FRMD4A: variants seen among roughly 807,000 people sequenced by gnomAD.
FRMD4A encodes the protein FERM domain-containing protein 4A.
Under a neutral mutation model 129.1 loss-of-function variants are expected in FRMD4A, and 29 were observed. The ratio of observed to expected loss-of-function variants is 0.22; its 90% CI spans 0.17 to 0.31. The LOEUF is 0.31. Among genes scored for constraint, FRMD4A ranks in the 10% least tolerant of loss-of-function variants. The probability of loss-of-function intolerance (pLI) is 1.00; values close to 1 mark genes in which losing one functional copy is unlikely to be tolerated. For missense variants in FRMD4A, 1,272 were observed against 1,375.8 expected, an observed-to-expected ratio of 0.92 and a Z score of 1.19; for synonymous variants, 634 against 571.6, an observed-to-expected ratio of 1.11 and a Z score of -1.56.
chr10:14,061,048 G>T (rs533295681), intron 2 of FRMD4A, among the ~76,000 whole-genome samples: 1 of 152,138 alleles, frequency 6.6e-6, no homozygotes, highest in African/African-American at 2.4e-5. Context: ...AAGGGCAGAG[G>T]ATATAATCAA....
chr10:13,767,054 A>G (rs936671630), intron 6 of FRMD4A, among the ~76,000 whole-genome samples: 5 of 152,158 alleles, frequency 3.3e-5, no homozygotes, highest in African/African-American at 1.2e-4. Flanking sequence ...GCCTGGTGAC[A>G]GAGTGAGACT....
chr10:13,925,564 C>G (rs2103321), intron 2 of FRMD4A, among the ~76,000 whole-genome samples: 34,845 of 89,164 alleles, frequency 0.39, 5,278 homozygotes, highest in East Asian at 0.49. Flanking sequence ...TGTAGTGAAA[C>G]GCTTTTTTTT....
At chr10:13,717,610 G>A (rs1056127336) in intron 12 of FRMD4A, among the ~76,000 whole-genome samples, 21 of 89,042 alleles carry the variant, frequency 2.4e-4, no homozygotes, top group African/African-American at 9.0e-4. Flanking sequence ...CAACGCACCC[G>A]GCTAAATTTT....
At chr10:13,943,530 C>T (rs546253471) in intron 2 of FRMD4A, among the ~76,000 whole-genome samples, 1 of 151,034 alleles carries the variant, frequency 6.6e-6, no homozygotes, top group Non-Finnish European at 1.5e-5. Flanking sequence ...TGCCTGTAGT[C>T]CCAGCTACTT....
Position 13,976,272 on chromosome 10 carries a change from G to T in FRMD4A, c.46-117360C>A, listed in dbSNP as rs548978981. On this transcript the variant is annotated intron_variant, in intron 2 of 24. Coordinates refer to ENST00000357447, the MANE Select transcript of FRMD4A (RefSeq NM_018027.5). Reference sequence around the variant, plus strand: ...CTTGGTCCTGGGATTGCACATTGGGGAAGGGAACTTGGGCTGGGAGCCCTA... The same window carrying T: ...CTTGGTCCTGGGATTGCACATTGGGTAAGGGAACTTGGGCTGGGAGCCCTA... Among the ~76,000 whole-genome samples the T allele has an allele frequency of 2.0e-5, 3 of 152,302 alleles. No homozygotes were observed. In the South Asian group the frequency reaches 6.2e-4, roughly 32 times the overall value.
intron 12 of FRMD4A, among the ~76,000 whole-genome samples, chr10:13,713,151 TC>T (rs1211029550): frequency 6.6e-6 from 1 of 152,170 alleles, no homozygotes; most frequent in Admixed American, 6.5e-5. Context: ...CTTAATGATC[TC>T]CCTATGAGTA....
At chr10:13,705,196 C>T (rs1014367854) in intron 13 of FRMD4A, among the ~76,000 whole-genome samples, 2 of 152,160 alleles carry the variant, frequency 1.3e-5, no homozygotes, top group African/African-American at 4.8e-5. Flanking sequence ...ACAGAAGCTT[C>T]GCAAGAAACA....
chr10:13,996,066 C>T (rs2095621500), intron 2 of FRMD4A, among the ~76,000 whole-genome samples: 1 of 152,146 alleles, frequency 6.6e-6, no homozygotes, highest in African/African-American at 2.4e-5. Flanking sequence ...GCCTGGGGAG[C>T]ACTCACTTTC....
intron 2 of FRMD4A, among the ~76,000 whole-genome samples, chr10:13,881,986 C>CA (rs2094550671): frequency 8.4e-6 from 1 of 119,398 alleles, no homozygotes; most frequent in Non-Finnish European, 1.7e-5. Context: ...TGGGGAGAGG[C>CA]AAGGGTGTGT....
intron 2 of FRMD4A, among the ~76,000 whole-genome samples, chr10:14,158,671 A>AGAG (rs1448566661): frequency 6.6e-6 from 1 of 151,280 alleles, no homozygotes; most frequent in Non-Finnish European, 1.5e-5. Context: ...GGGGCAAGAA[A>AGAG]GAGGAGGAGG....
intron 2 of FRMD4A, among the ~76,000 whole-genome samples, chr10:14,305,427 T>C (rs868510756): frequency 6.6e-6 from 1 of 152,226 alleles, no homozygotes; most frequent in East Asian, 1.9e-4. Context: ...ATTAAATATA[T>C]TTGTATCCCC....
At chr10:13,669,281 C>T (rs555009652) in intron 17 of FRMD4A, among the ~76,000 whole-genome samples, 116 of 152,088 alleles carry the variant, frequency 7.6e-4, no homozygotes, top group Non-Finnish European at 1.3e-3. Context: ...AGGCTGGTCT[C>T]GAACTCCTGA....
chr10:13,843,230 G>A (rs3995572), intron 3 of FRMD4A, among the ~76,000 whole-genome samples: 121,982 of 152,086 alleles, frequency 0.8, 49,018 homozygotes, highest in East Asian at 0.9. Context: ...CTCTGACTCA[G>A]TATATTGGGG....
intron 2 of FRMD4A, among the ~76,000 whole-genome samples, chr10:13,889,031 T>C (rs1016241884): frequency 5.9e-5 from 9 of 152,232 alleles, no homozygotes; most frequent in Admixed American, 1.3e-4. Flanking sequence ...GACACGTGAA[T>C]TGAACTACAA....
intron 2 of FRMD4A, among the ~76,000 whole-genome samples, chr10:14,045,990 T>G (rs926567819): frequency 6.7e-6 from 1 of 150,022 alleles, no homozygotes; most frequent in African/African-American, 2.4e-5. Flanking sequence ...TATTATTCAA[T>G]GTTATACATA....
At chr10:13,757,992 C>G (rs2091931377) in intron 8 of FRMD4A, among the ~76,000 whole-genome samples, 1 of 152,222 alleles carries the variant, frequency 6.6e-6, no homozygotes, top group South Asian at 2.1e-4. Flanking sequence ...GATTCACCTG[C>G]CTTGGCCTCC....
At chr10:14,204,992 C>T (rs1185687139) in intron 2 of FRMD4A, among the ~76,000 whole-genome samples, 1 of 152,084 alleles carries the variant, frequency 6.6e-6, no homozygotes, top group Non-Finnish European at 1.5e-5. Flanking sequence ...GTTGTCTCCA[C>T]CCCACGTGTC....
At chr10:14,239,552 G>T (rs926724293) in intron 2 of FRMD4A, among the ~76,000 whole-genome samples, 1 of 152,100 alleles carries the variant, frequency 6.6e-6, no homozygotes, top group African/African-American at 2.4e-5. Flanking sequence ...GGTTGAACCC[G>T]GGAGGCGGAG....
At chr10:13,648,409 A>G (rs765584927) in intron 24 of FRMD4A, among the ~76,000 whole-genome samples, 3 of 152,174 alleles carry the variant, frequency 2.0e-5, no homozygotes, top group East Asian at 1.9e-4. Flanking sequence ...CAGGGGTCCT[A>G]TGTTTTTCTT....
Sources: allele counts gnomAD v4.1 joint callset (sites outside exome capture counted in the v4.1 genomes callset), GRCh38; gene constraint gnomAD v4.1.1; transcripts MANE v1.5; gene names NCBI Gene and HGNC (gene_info 2026-07-23, HGNC 2026-07-21).